The following CAND1 variants were observed in gnomAD, a reference collection of about 807,000 sequenced individuals.
CAND1 encodes the protein cullin associated and neddylation dissociated 1, also known as cullin-associated NEDD8-dissociated protein 1.
In CAND1, 7 loss-of-function variants were observed where a neutral mutation model predicts 108.5. The ratio of observed to expected loss-of-function variants is 0.06; its 90% CI spans 0.04 to 0.12. CAND1 has a LOEUF of 0.12. Ranked by LOEUF, CAND1 falls within the 10% of genes least tolerant of loss-of-function variation. The pLI is 1.00. For missense variants in CAND1, 941 were observed against 1,448.7 expected (o/e 0.65, Z 5.69); for synonymous variants, 534 against 512.0 (o/e 1.04, Z -0.58).
chr12:67,286,436 C>G (rs759162925), intron 2 of CAND1, among the ~76,000 whole-genome samples: 1 of 152,174 alleles, frequency 6.6e-6, no homozygotes, highest in Non-Finnish European at 1.5e-5. Context: ...GCTCCACATT[C>G]TCACCAGCCA....
At chr12:67,292,896 A>G in intron 3 of CAND1, 120 bp downstream of exon 3, 2 of 842,290 alleles carry the variant, frequency 2.4e-6, no homozygotes, top group Non-Finnish European at 3.9e-6. Flanking sequence ...TGTTCATAGG[A>G]ATCCCTTTGG....
At chr12:67,300,314 CATCTA>C (rs2044812418) in intron 7 of CAND1, among the ~76,000 whole-genome samples, 1 of 152,094 alleles carries the variant, frequency 6.6e-6, no homozygotes. Flanking sequence ...TTGTTGATCT[CATCTA>C]GTCTCCTGGC....
chr12:67,284,093 A>G (rs2044645591), intron 2 of CAND1, among the ~76,000 whole-genome samples: 1 of 152,160 alleles, frequency 6.6e-6, no homozygotes, highest in Non-Finnish European at 1.5e-5. Context: ...GAAAAATTGA[A>G]CAAAGAATTC....
chr12:67,302,597 A>G lies in CAND1; in HGVS notation c.1275A>G (p.Leu425=). Residue 425 remains leucine (L), a synonymous_variant, in exon 8 of 15, where the codon TTA becomes TTG. Transcript: ENST00000545606. ...PDAMEQGETP[L]TMLQSQVPNI... is the part of the protein sequence containing the mutation. ...CAATGGAGCAGGGAGAAACACCTTT[A>G]ACAATGCTTCAGAGTCAGGTGGGTT... The G allele has an allele frequency of 6.2e-7, 1 of 1,610,710 alleles. No individual in the cohort carries two copies. Among genetic ancestry groups the G allele is most frequent in the Non-Finnish European group, 8.5e-7 (1 of 1,176,980 alleles).
chr12:67,291,669 A>T (rs1360442756), intron 2 of CAND1, among the ~76,000 whole-genome samples: 1 of 152,172 alleles, frequency 6.6e-6, no homozygotes. Context: ...TACATTGAAG[A>T]TAGGAAGGGA....
chr12:67,288,640 C>T (rs915234575), intron 2 of CAND1, among the ~76,000 whole-genome samples: 1 of 152,104 alleles, frequency 6.6e-6, no homozygotes, highest in Admixed American at 6.5e-5. Flanking sequence ...AAGACTATTG[C>T]AATAGGCGAA....
At chr12:67,290,253 G>A (rs1172232297) in intron 2 of CAND1, among the ~76,000 whole-genome samples, 3 of 152,208 alleles carry the variant, frequency 2.0e-5, no homozygotes, top group Admixed American at 6.5e-5. Context: ...GCTTATGCCT[G>A]TAATCCCAGC....
Position 67,306,358 on chromosome 12 carries a change from A to G in CAND1, c.2690A>G (p.Gln897Arg). Residue 897 changes from glutamine to arginine, a missense_variant, in exon 10 of 15, where the codon CAA (glutamine) becomes CGA (arginine). By Grantham distance (43) the Gln-to-Arg change is conservative. Coordinates refer to ENST00000545606, the MANE Select transcript of CAND1 (RefSeq NM_018448.5). ...CCTGAATATCTGCCGTTTGTCCTGC[A>G]AGAAATAACTAGTCAACCCAAAAGG... ...NLPEYLPFVLQEITSQPKRQY... is the reference protein window; with the variant it reads ...NLPEYLPFVLREITSQPKRQY... 3 of 1,614,116 alleles carry G rather than the reference A, an allele frequency of 1.9e-6. No individual in the cohort carries two copies. The highest frequency in any genetic ancestry group is 2.5e-6 in the Non-Finnish European group (3 of 1,179,980).
rs910093540 is a variant in CAND1, at chr12:67,313,645, T to C, written c.*815T>C. 1 of 152,594 alleles carries C rather than the reference T, an allele frequency of 6.6e-6. No individual in the cohort carries two copies. The highest frequency in any genetic ancestry group is 1.5e-5 in the Non-Finnish European group (1 of 67,994). The allele number at this position is 152,594 out of a possible 1,614,324, so 9.5% of individuals were successfully genotyped here. A position where few individuals can be genotyped will look rare whatever the true frequency, so the allele number is the denominator to read the frequency against. ...TCAGAAAATCAAGTCACAGTAACAA[T>C]TTGCCACTTTTTTCTATTATAAATC... On this transcript the variant is annotated 3_prime_UTR_variant, in exon 15 of 15. Coordinates refer to ENST00000545606, the MANE Select transcript of CAND1 (RefSeq NM_018448.5).
chr12:67,283,582 C>CAAA (rs376419534), intron 2 of CAND1, among the ~76,000 whole-genome samples: 1 of 88,522 alleles, frequency 1.1e-5, no homozygotes. Flanking sequence ...GACTGTGTCT[C>CAAA]AAAAAAAAAA....
At chr12:67,276,592 G>A (rs1398313538) in intron 1 of CAND1, among the ~76,000 whole-genome samples, 1 of 152,194 alleles carries the variant, frequency 6.6e-6, no homozygotes, top group Non-Finnish European at 1.5e-5. Flanking sequence ...CTAAGCAGGG[G>A]GAAAGCTGTA....
At chr12:67,310,836 G>A (rs1256717652) in intron 13 of CAND1, 3 of 152,036 alleles carry the variant, frequency 2.0e-5, no homozygotes, top group East Asian at 1.9e-4. Context: ...TATAGGACAT[G>A]GAACTTTTCA....
At chr12:67,308,374 GA>G (rs1241267112) in intron 11 of CAND1, among the ~76,000 whole-genome samples, 1 of 152,078 alleles carries the variant, frequency 6.6e-6, no homozygotes, top group Non-Finnish European at 1.5e-5. Context: ...GTCTATATGA[GA>G]AACAACTTAT....
rs912955706 is a variant in CAND1 at position 67,269,526 on chromosome 12, C to G, written c.-192C>G. 1 of 561,424 alleles carries G rather than the reference C, an allele frequency of 1.8e-6. No homozygotes were observed. The highest frequency in any genetic ancestry group is 3.1e-6 in the Non-Finnish European group (1 of 324,078). The allele number at this position is 561,424 out of a possible 1,614,324, so 34.8% of individuals were successfully genotyped here. ...TCTGTAGCCTCGGCTTACCCCGGGA[C>G]AGGCCCACGCCTCGCCAGGGAGGGG... is the stretch of plus-strand genomic sequence containing the variant. On this transcript the variant is annotated 5_prime_UTR_variant, in exon 1 of 15. Coordinates refer to ENST00000545606, the MANE Select transcript of CAND1 (RefSeq NM_018448.5).
intron 11 of CAND1, 51 bp downstream of exon 11, chr12:67,307,543 A>G: frequency 8.5e-7 from 1 of 1,170,582 alleles, no homozygotes; most frequent in Non-Finnish European, 1.3e-6. Flanking sequence ...TAGAATTCTC[A>G]AGAAACTCTT....
intron 1 of CAND1, 154 bp downstream of exon 1, chr12:67,269,939 G>T: frequency 3.4e-6 from 2 of 591,894 alleles, no homozygotes; most frequent in Non-Finnish European, 3.0e-6. Flanking sequence ...CCCGATCCCT[G>T]CGGAGCCCCT....
At chr12:67,284,779 C>A (rs905997985) in intron 2 of CAND1, among the ~76,000 whole-genome samples, 4 of 151,968 alleles carry the variant, frequency 2.6e-5, no homozygotes, top group African/African-American at 7.3e-5. Flanking sequence ...AGCCCCCGCC[C>A]CCGACACACA....
chr12:67,301,881 A>G (rs1300996881), intron 7 of CAND1, among the ~76,000 whole-genome samples: 2 of 152,118 alleles, frequency 1.3e-5, no homozygotes, highest in African/African-American at 4.8e-5. Context: ...TATTACCACA[A>G]ATCCATTTCA....
At position 67,317,238 on chromosome 12, in the gene CAND1, T is replaced by C. The variant is rs1001089851; in HGVS notation, c.*4408T>C. 2 of 152,204 alleles carry C rather than the reference T, an allele frequency of 1.3e-5. No individual in the cohort carries two copies. The highest frequency in any genetic ancestry group is 2.9e-5 in the Non-Finnish European group (2 of 68,162). The allele number at this position is 152,204 out of a possible 1,614,324, so 9.4% of individuals were successfully genotyped here. A position where few individuals can be genotyped will look rare whatever the true frequency, so the allele number is the denominator to read the frequency against. Reference sequence around the variant, plus strand: ...TGCACCTCAGCTTCCTGGGCACAAGTGATTCTCCCACCTCAGCCTCCCGAG... The same window carrying C: ...TGCACCTCAGCTTCCTGGGCACAAGCGATTCTCCCACCTCAGCCTCCCGAG... On this transcript the variant is annotated 3_prime_UTR_variant, in exon 15 of 15. Coordinates refer to ENST00000545606, the MANE Select transcript of CAND1 (RefSeq NM_018448.5).
Sources: gnomAD v4.1 joint callset for allele counts (sites outside exome capture counted in the v4.1 genomes callset) on GRCh38, gnomAD v4.1.1 for gene constraint, MANE v1.5 for transcripts, NCBI Gene and HGNC (gene_info 2026-07-23, HGNC 2026-07-21) for gene names.